EGFR: variants seen among roughly 807,000 people sequenced by gnomAD.
The protein encoded by EGFR is avian erythroblastic leukemia viral (v-erb-b) oncogene homolog.
EGFR carries 58 observed loss-of-function variants against 143.0 expected under a neutral mutation model. That is an observed-to-expected ratio of 0.41 (90% CI 0.33 to 0.50). EGFR has a LOEUF of 0.50. Ranked by LOEUF, EGFR falls within the 20% of genes least tolerant of loss-of-function variation. EGFR has a pLI of 0.39. For missense variants in EGFR, 1,307 were observed against 1,579.0 expected, an observed-to-expected ratio of 0.83 and a Z score of 2.92; for synonymous variants, 613 against 594.4, an observed-to-expected ratio of 1.03 and a Z score of -0.45.
Position 55,206,058 on chromosome 7 carries a change from G to C in EGFR, c.*441G>C, listed in dbSNP as rs920952718. 5 of 349,456 alleles carry C rather than the reference G, an allele frequency of 1.4e-5. No individual in the cohort carries two copies. In the Admixed American group the frequency reaches 2.3e-4, roughly 16 times the overall value. The allele number at this position is 349,456 out of a possible 1,614,324, so 21.6% of individuals were successfully genotyped here. On this transcript the variant is annotated 3_prime_UTR_variant, in exon 28 of 28. Transcript: ENST00000275493. ...TTCATCCAGGCCCAACTGTGAGCAA[G>C]GAGCACAAGCCACAAGTCTTCCAGA...
intron 19 of EGFR, chr7:55,181,063 G>A: frequency 1.7e-6 from 1 of 603,552 alleles, no homozygotes; most frequent in East Asian, 2.8e-5. Context: ...CTCTGTCATG[G>A]GGAATCCCCA....
At chr7:55,144,002 T>C (rs552327408) in intron 3 of EGFR, among the ~76,000 whole-genome samples, 117 of 152,328 alleles carry the variant, frequency 7.7e-4, no homozygotes, top group Non-Finnish European at 1.4e-3. Flanking sequence ...GTGAGGTTCC[T>C]GTGAGAGGAA....
intron 1 of EGFR, among the ~76,000 whole-genome samples, chr7:55,058,798 C>G (rs1186578204): frequency 6.6e-6 from 1 of 152,032 alleles, no homozygotes; most frequent in Non-Finnish European, 1.5e-5. Context: ...ACAAGTTTAC[C>G]TGTTTAACAT....
chr7:55,178,103 G>A (rs1584232567), intron 19 of EGFR, among the ~76,000 whole-genome samples: 1 of 152,216 alleles, frequency 6.6e-6, no homozygotes, highest in East Asian at 1.9e-4. Context: ...GCCCTGCGAG[G>A]CCCTGCAGCA....
intron 1 of EGFR, among the ~76,000 whole-genome samples, chr7:55,024,212 G>A (rs566775335): frequency 6.6e-5 from 10 of 152,202 alleles, no homozygotes; most frequent in Non-Finnish European, 1.2e-4. Flanking sequence ...GAAAGTAAGT[G>A]CTAGATTTGA....
intron 1 of EGFR, among the ~76,000 whole-genome samples, chr7:55,042,731 A>G (rs7782830): frequency 0.048 from 7,375 of 152,246 alleles, 305 homozygotes; most frequent in South Asian, 0.16. Flanking sequence ...ATCTCTGAGT[A>G]AAATAATGAT....
chr7:55,170,358 A>G, intron 15 of EGFR: 1 of 1,614,190 alleles, frequency 6.2e-7, no homozygotes, highest in South Asian at 1.1e-5. Flanking sequence ...TTAAACTATC[A>G]TCCTGTAATC....
intron 1 of EGFR, among the ~76,000 whole-genome samples, chr7:55,098,669 A>G (rs1293791339): frequency 1.3e-5 from 2 of 152,168 alleles, no homozygotes; most frequent in Admixed American, 1.3e-4. Context: ...ATTTTGCTTC[A>G]AAGAACAAGT....
chr7:55,036,466 A>G (rs1473258489), intron 1 of EGFR, among the ~76,000 whole-genome samples: 1 of 152,048 alleles, frequency 6.6e-6, no homozygotes, highest in Non-Finnish European at 1.5e-5. Context: ...AAATTCAGGG[A>G]GTGCACACTT....
At chr7:55,192,267 GGCT>G (rs952955898) in intron 21 of EGFR, among the ~76,000 whole-genome samples, 41 of 152,266 alleles carry the variant, frequency 2.7e-4, no homozygotes, top group Middle Eastern at 6.8e-3. Context: ...GAGCTCCCAG[GGCT>G]GTCTGTGGCT....
rs1397171825 is a variant in EGFR, at chr7:55,207,383, G to T, written c.*1766G>T. ...TAAGCATCTATACTAGCCTGGTATG[G>T]GTATGAAAGATACAAAGATAAATAA... On this transcript the variant is annotated 3_prime_UTR_variant, in exon 28 of 28. Transcript: ENST00000275493. 1 of 218,244 alleles carries T rather than the reference G, an allele frequency of 4.6e-6. No individual in the cohort carries two copies. The highest frequency in any genetic ancestry group is 9.2e-6 in the Non-Finnish European group (1 of 108,854). The allele number at this position is 218,244 out of a possible 1,614,324, so 13.5% of individuals were successfully genotyped here.
At position 55,165,281 on chromosome 7, in the gene EGFR, G is replaced by A. The variant is rs1249099747; in HGVS notation, c.1724G>A (p.Gly575Glu). The change falls in exon 15 of 28, where the codon GGA becomes GAA. Residue 575 changes from glycine (G) to glutamate (E), a missense_variant and splice_region_variant. Physicochemically the swap from Gly to Glu is moderately conservative, Grantham distance 98. This residue lies in a region of EGFR where 250 missense variants were observed against 295.1 expected (regional missense o/e 0.85). Coordinates refer to ENST00000275493, the MANE Select transcript of EGFR (RefSeq NM_005228.5). Reference protein sequence around the residue: ...QAMNITCTGRGPDNCIQCAHY... With the variant: ...QAMNITCTGREPDNCIQCAHY... Reference sequence around the variant, plus strand: ...ACATTTTTCTCCACCTTGGTGCAGGGACCAGACAACTGTATCCAGTGTGCC... The same window carrying A: ...ACATTTTTCTCCACCTTGGTGCAGGAACCAGACAACTGTATCCAGTGTGCC... 1 of 1,614,102 alleles carries A rather than the reference G, an allele frequency of 6.2e-7. No individual in the cohort carries two copies. Among genetic ancestry groups the A allele is most frequent in the Non-Finnish European group, 8.5e-7 (1 of 1,180,032 alleles).
intron 1 of EGFR, among the ~76,000 whole-genome samples, chr7:55,082,901 T>C (rs1031379730): frequency 1.6e-4 from 24 of 152,182 alleles, no homozygotes; most frequent in African/African-American, 5.3e-4. Context: ...GCCTCTGGTG[T>C]TCCCAGCAGC....
rs2128952376 is a variant in EGFR, at chr7:55,172,983, G to A, written c.1920G>A (p.Gly640=). 1 of 1,613,998 alleles carries A rather than the reference G, an allele frequency of 6.2e-7. No individual in the cohort carries two copies. Among genetic ancestry groups the A allele is most frequent in the East Asian group, 2.2e-5 (1 of 44,882 alleles). ...TCCTTGTTCCTCCACCTCATTCCAGGCCTAAGATCCCGTCCATCGCCACTG... is the reference window on the plus strand; with the variant it reads ...TCCTTGTTCCTCCACCTCATTCCAGACCTAAGATCCCGTCCATCGCCACTG... ...GPGLEGCPTN[G]PKIPSIATGM... Residue 640 remains glycine, a splice_region_variant and synonymous_variant, in exon 17 of 28, where the codon GGG becomes GGA. Coordinates refer to ENST00000275493, the MANE Select transcript of EGFR (RefSeq NM_005228.5).
chr7:55,126,076 G>C (rs1260195687), intron 1 of EGFR, among the ~76,000 whole-genome samples: 1 of 152,080 alleles, frequency 6.6e-6, no homozygotes, highest in Non-Finnish European at 1.5e-5. Flanking sequence ...CACATGTGGC[G>C]GGGCCCCGCT....
chr7:55,201,590 C>G (rs2128972238), intron 25 of EGFR, 145 bp from the exon 26 acceptor site: 1 of 1,202,952 alleles, frequency 8.3e-7, no homozygotes. Context: ...CAAAACTAAA[C>G]CTAGTTGCTC....
rs187798716 is a variant in EGFR, at chr7:55,205,165, T to A, written c.3272-91T>A. On this transcript the variant is annotated intron_variant, in intron 27 of 27. Transcript: ENST00000275493. ...CTGCTCCCTGTCATAAGTCTCCTTG[T>A]TGAGGACATTCACAGGGTTCAGAAC... is the stretch of plus-strand genomic sequence containing the variant. The A allele has an allele frequency of 8.7e-4, 1,359 of 1,556,780 alleles. 7 individuals carry two copies. Among genetic ancestry groups the A allele is most frequent in the Non-Finnish European group, 9.6e-4 (1,110 of 1,152,840 alleles).
At chr7:55,024,818 T>A (rs1401328940) in intron 1 of EGFR, among the ~76,000 whole-genome samples, 1 of 152,156 alleles carries the variant, frequency 6.6e-6, no homozygotes, top group African/African-American at 2.4e-5. Flanking sequence ...GAGCTAGAGA[T>A]AATAAGTGTG....
intron 4 of EGFR, among the ~76,000 whole-genome samples, chr7:55,148,141 A>G (rs1794864395): frequency 6.6e-6 from 1 of 152,204 alleles, no homozygotes; most frequent in African/African-American, 2.4e-5. Context: ...CCAGATACCC[A>G]TCCTGACACC....
Sources: gnomAD v4.1 joint callset for allele counts (sites outside exome capture counted in the v4.1 genomes callset) on GRCh38, gnomAD v4.1.1 for gene constraint, gnomAD v4.1.1 regional missense constraint, MANE v1.5 for transcripts, NCBI Gene and HGNC (gene_info 2026-07-23, HGNC 2026-07-21) for gene names.